The following ENTPD5 variants were observed in gnomAD, a reference collection of about 807,000 sequenced individuals.
ENTPD5 encodes nucleoside diphosphate phosphatase ENTPD5.
In ENTPD5, 49 loss-of-function variants were observed where a neutral mutation model predicts 60.2. The observed-to-expected ratio is 0.81, with a 90% CI of 0.65 to 1.03. The LOEUF is 1.03. Ranked by LOEUF, ENTPD5 falls within the 50% of genes least tolerant of loss-of-function variation. The pLI is 0.00. For synonymous variants in ENTPD5, 187 were observed against 185.4 expected (o/e 1.01, Z -0.07); for missense variants, 480 against 507.6 (o/e 0.95, Z 0.52).
chr14:73,996,358 T>C (rs528937391), intron 3 of ENTPD5: 1 of 202,910 alleles, frequency 4.9e-6, no homozygotes, highest in South Asian at 1.7e-4. Flanking sequence ...TTCCAACTAG[T>C]AGGATTATCG....
intron 3 of ENTPD5, among the ~76,000 whole-genome samples, chr14:74,000,027 G>A (rs1356544510): frequency 6.7e-6 from 1 of 150,122 alleles, no homozygotes; most frequent in African/African-American, 2.5e-5. Context: ...GGCGGAGGTT[G>A]CAGTTAGCCG....
chr14:73,973,558 T>G (rs1301327721), intron 12 of ENTPD5, among the ~76,000 whole-genome samples: 1 of 152,172 alleles, frequency 6.6e-6, no homozygotes, highest in Non-Finnish European at 1.5e-5. Flanking sequence ...GCAGTGGCAT[T>G]GCGCACTATA....
At chr14:73,989,600 G>A (rs1309404163) in intron 3 of ENTPD5, among the ~76,000 whole-genome samples, 15 of 148,912 alleles carry the variant, frequency 1.0e-4, no homozygotes, top group South Asian at 2.1e-4. Flanking sequence ...TTGGGAGGCC[G>A]AGGCAGGCGG....
intron 6 of ENTPD5, among the ~76,000 whole-genome samples, 185 bp from the exon 7 acceptor site, chr14:73,977,559 T>C (rs539569408): frequency 2.6e-4 from 40 of 152,184 alleles, no homozygotes; most frequent in Non-Finnish European, 5.1e-4. Context: ...ACCAGTTTCT[T>C]GCAAAAACAC....
At chr14:74,008,892 G>A (rs995154287) in intron 3 of ENTPD5, 2 of 152,170 alleles carry the variant, frequency 1.3e-5, no homozygotes, top group Non-Finnish European at 2.9e-5. Flanking sequence ...AAAGAAATGA[G>A]AATTGATGTC....
chr14:74,011,693 G>C (rs1403453226), intron 2 of ENTPD5, among the ~76,000 whole-genome samples: 1 of 152,170 alleles, frequency 6.6e-6, no homozygotes, highest in African/African-American at 2.4e-5. Context: ...AGCTACTTGG[G>C]AGGCTGAGAC....
downstream of ENTPD5, chr14:73,958,889 G>A: frequency 1.9e-6 from 3 of 1,580,320 alleles, no homozygotes; most frequent in East Asian, 7.0e-5. Context: ...AGAGCTGGAG[G>A]AAACTTTAGG....
chr14:73,960,062 T>G, downstream of ENTPD5: 1 of 1,004,086 alleles, frequency 1.0e-6, no homozygotes, highest in Non-Finnish European at 1.2e-6. Context: ...GCCTGGGTGG[T>G]GGTTAGCATT....
chr14:73,976,525 C>T, intron 8 of ENTPD5, 113 bp from the exon 9 acceptor site: 1 of 774,450 alleles, frequency 1.3e-6, no homozygotes, highest in Non-Finnish European at 2.1e-6. Context: ...CACTGCTCCC[C>T]AGCCCCAAGG....
chr14:73,967,993 G>A (rs1369454253), intron 15 of ENTPD5, among the ~76,000 whole-genome samples: 1 of 150,348 alleles, frequency 6.7e-6, no homozygotes, highest in Non-Finnish European at 1.5e-5. Flanking sequence ...GCATGGTGGC[G>A]CATGCCTGTA....
rs768763836 is a variant in ENTPD5 at position 73,967,017 on chromosome 14, G to A, written c.1201-3C>T. On this transcript the variant is annotated splice_region_variant and splice_polypyrimidine_tract_variant and intron_variant, in intron 15 of 15. Coordinates refer to ENST00000334696, the MANE Select transcript of ENTPD5 (RefSeq NM_001249.5). ...ATGTTGTTCACTTTCTTTGTGAGCTGTTGAGAAGAAAAAAAGTCTTCACCT... is the reference window on the plus strand; with the variant it reads ...ATGTTGTTCACTTTCTTTGTGAGCTATTGAGAAGAAAAAAAGTCTTCACCT... 3.1e-6 allele frequency: 5 copies of A among 1,613,084 alleles called. No individual in the cohort carries two copies. The South Asian group carries it at 4.4e-5, about 14-fold the overall frequency.
At position 73,986,708 on chromosome 14, in the gene ENTPD5, CAT is replaced by C. The variant is rs1187059778; in HGVS notation, c.297+104_297+105del. ...CTGAGGAGAGAAAGCTGATCTCACA[CAT>C]GATCTCAATCTCATTAGTGAATAGC... On this transcript the variant is annotated intron_variant, in intron 5 of 15. Coordinates refer to ENST00000334696, the MANE Select transcript of ENTPD5 (RefSeq NM_001249.5). The C allele has an allele frequency of 5.0e-6, 4 of 799,708 alleles. No individual in the cohort carries two copies. The East Asian group carries it at 9.8e-5, about 20-fold the overall frequency. The allele number at this position is 799,708 out of a possible 1,614,324, so 49.5% of individuals were successfully genotyped here. A position where few individuals can be genotyped will look rare whatever the true frequency, so the allele number is the denominator to read the frequency against.
At chr14:73,987,232 G>A in intron 4 of ENTPD5, 1 of 684,766 alleles carries the variant, frequency 1.5e-6, no homozygotes. Flanking sequence ...AAATTCTCAT[G>A]TGATCCTTCT....
At chr14:73,986,662 TAATTTTATCCAG>T (rs2057913689) in intron 5 of ENTPD5, 140 bp downstream of exon 5, 3 of 649,450 alleles carry the variant, frequency 4.6e-6, no homozygotes, top group Admixed American at 2.8e-5. Flanking sequence ...GAAATGTAAT[TAATTTTATCCAG>T]GAGATTAGCT....
downstream of ENTPD5, chr14:73,958,370 T>C (rs1351927938): frequency 6.3e-7 from 1 of 1,594,206 alleles, no homozygotes. Flanking sequence ...AGCTATAGTT[T>C]AATTTTAGGC....
At chr14:73,983,439 A>G (rs2057773006) in intron 5 of ENTPD5, among the ~76,000 whole-genome samples, 1 of 152,024 alleles carries the variant, frequency 6.6e-6, no homozygotes, top group African/African-American at 2.4e-5. Flanking sequence ...CCTGACCAAC[A>G]TGGTGAAACC....
rs551042036 is a variant in ENTPD5 at position 74,009,371 on chromosome 14, T to C, written c.-71+1720A>G. Among the ~76,000 whole-genome samples the C allele has an allele frequency of 9.8e-5, 15 of 152,384 alleles. No individual in the cohort carries two copies. The South Asian group carries it at 3.1e-3, about 32-fold the overall frequency. On this transcript the variant is annotated intron_variant, in intron 3 of 15. Coordinates refer to ENST00000334696, the MANE Select transcript of ENTPD5 (RefSeq NM_001249.5). ...CAGTGCCACTGGGCACCGTTTATAT[T>C]GGATTTTAACTGTGGGAAGAGAATA...
In ENTPD5 at chr14:73,970,085, G is replaced by A; in HGVS notation, c.1125C>T (p.Phe375=). 1 of 1,613,994 alleles carries A rather than the reference G, an allele frequency of 6.2e-7. No individual in the cohort carries two copies. Among genetic ancestry groups the A allele is most frequent in the Non-Finnish European group, 8.5e-7 (1 of 1,179,896 alleles). ...TGATGTAGCTGAGATCCATGCACAG[G>A]AAAGGACTGCCTGAGGTGAAGTTTT... The part of the protein sequence containing the change: ...NLENFTSGSP[F]LCMDLSYITA... Residue 375 remains phenylalanine, a synonymous_variant, in exon 15 of 16, where the codon TTC becomes TTT. Coordinates refer to ENST00000334696, the MANE Select transcript of ENTPD5 (RefSeq NM_001249.5).
chr14:73,977,715 T>C (rs1052538072), intron 6 of ENTPD5, among the ~76,000 whole-genome samples: 2 of 152,198 alleles, frequency 1.3e-5, no homozygotes, highest in African/African-American at 4.8e-5. Flanking sequence ...AAACTCTACC[T>C]GGACATACAC....
Sources: gnomAD v4.1 joint callset for allele counts (sites outside exome capture counted in the v4.1 genomes callset) on GRCh38, gnomAD v4.1.1 for gene constraint, MANE v1.5 for transcripts, NCBI Gene and HGNC (gene_info 2026-07-23, HGNC 2026-07-21) for gene names.